Variants in ADNP2 observed in about 807,000 individuals in gnomAD.
The protein encoded by ADNP2 is activity-dependent neuroprotector homeobox protein 2.
ADNP2 carries 8 observed loss-of-function variants against 16.4 expected under a neutral mutation model. That is an observed-to-expected ratio of 0.49 (90% CI 0.29 to 0.88). The LOEUF (loss-of-function observed/expected upper bound fraction) is 0.88. Among genes scored for constraint, ADNP2 ranks in the 40% least tolerant of loss-of-function variants. The pLI, the probability that ADNP2 is intolerant of heterozygous loss-of-function variation, is 0.09. For synonymous variants in ADNP2, 637 were observed against 545.8 expected (o/e 1.17, Z -2.33); for missense variants, 1,397 against 1,395.1 (o/e 1.00, Z -0.02).
Position 80,138,362 on chromosome 18 carries a change from C to G in ADNP2, c.2949C>G (p.Gly983=), listed in dbSNP as rs1018382201. The change falls in exon 4 of 4, where the codon GGC becomes GGG. Residue 983 remains glycine (G), a synonymous_variant. Transcript: ENST00000262198. ...SFSVKRKLPD[G]HLGAEDQRHG... is the part of the protein sequence containing the mutation. Reference sequence around the variant, plus strand: ...CTGTTAAGAGAAAGCTGCCTGACGGCCACTTAGGGGCCGAAGACCAGCGGC... The same window carrying G: ...CTGTTAAGAGAAAGCTGCCTGACGGGCACTTAGGGGCCGAAGACCAGCGGC... 2.5e-6 allele frequency: 4 copies of G among 1,613,958 alleles called. No individual in the cohort carries two copies. Among genetic ancestry groups the G allele is most frequent in the Non-Finnish European group, 3.4e-6 (4 of 1,180,042 alleles).
intron 2 of ADNP2, among the ~76,000 whole-genome samples, 190 bp from the exon 3 acceptor site, chr18:80,132,913 G>A (rs1265786626): frequency 6.6e-6 from 1 of 152,092 alleles, no homozygotes; most frequent in East Asian, 1.9e-4. Flanking sequence ...TAGAGATGGA[G>A]TTTCGCCATG....
At chr18:80,123,231 G>A (rs992702824) in intron 2 of ADNP2, among the ~76,000 whole-genome samples, 4 of 152,080 alleles carry the variant, frequency 2.6e-5, no homozygotes, top group African/African-American at 7.2e-5. Context: ...TTGCTAGTAT[G>A]TTGTTAAGGA....
intron 2 of ADNP2, among the ~76,000 whole-genome samples, chr18:80,124,535 C>T (rs893386139): frequency 2.0e-5 from 3 of 152,168 alleles, no homozygotes; most frequent in Non-Finnish European, 2.9e-5. Context: ...CCAGGCCCTC[C>T]GCGGGTACTC....
Position 80,136,093 on chromosome 18 carries a change from A to G in ADNP2, c.680A>G (p.Gln227Arg), listed in dbSNP as rs570468287. Residue 227 changes from glutamine to arginine, a missense_variant, in exon 4 of 4, where the codon CAG (glutamine) becomes CGG (arginine). Gln to Arg is a conservative substitution (Grantham distance 43, BLOSUM62 1). This residue lies in a region of ADNP2 where 777 missense variants were observed against 719.4 expected (regional missense o/e 1.08). Transcript: ENST00000262198. Reference sequence around the variant, plus strand: ...AAGTGCAACGCCAATGCCAGCAGCCAGGATGCGTTAATGTATCACATTTTG... The same window carrying G: ...AAGTGCAACGCCAATGCCAGCAGCCGGGATGCGTTAATGTATCACATTTTG... ...CKKCNANASSQDALMYHILTS... is the reference protein window; with the variant it reads ...CKKCNANASSRDALMYHILTS... 1 of 1,614,204 alleles carries G rather than the reference A, an allele frequency of 6.2e-7. No individual in the cohort carries two copies. Among genetic ancestry groups the G allele is most frequent in the South Asian group, 1.1e-5 (1 of 91,092 alleles).
chr18:80,111,336 T>G (rs2052355553), intron 1 of ADNP2, among the ~76,000 whole-genome samples: 1 of 152,204 alleles, frequency 6.6e-6, no homozygotes, highest in African/African-American at 2.4e-5. Flanking sequence ...ATAACTACTC[T>G]GTGAATTAGG....
At chr18:80,129,658 G>T (rs2052483592) in intron 2 of ADNP2, among the ~76,000 whole-genome samples, 1 of 152,120 alleles carries the variant, frequency 6.6e-6, no homozygotes, top group South Asian at 2.1e-4. Flanking sequence ...AACATTTTGG[G>T]CTAGAATATA....
intron 3 of ADNP2, among the ~76,000 whole-genome samples, chr18:80,135,157 A>AG (rs2052523869): frequency 6.6e-6 from 1 of 152,242 alleles, no homozygotes; most frequent in South Asian, 2.1e-4. Context: ...GACTTAGAAC[A>AG]GGGGTCAGCA....
chr18:80,114,206 G>T (rs11663248), intron 1 of ADNP2, among the ~76,000 whole-genome samples: 15 of 137,566 alleles, frequency 1.1e-4, no homozygotes, highest in African/African-American at 3.7e-4. Context: ...AAAAAAAAAA[G>T]AAAAAAAAGA....
At position 80,138,452 on chromosome 18, in the gene ADNP2, T is replaced by C. The variant is rs761295467; in HGVS notation, c.3039T>C (p.Ser1013=). 19 of 1,613,894 alleles carry C rather than the reference T, an allele frequency of 1.2e-5. No homozygotes were observed. Among genetic ancestry groups the C allele is most frequent in the South Asian group, 3.3e-5 (3 of 91,066 alleles). The change falls in exon 4 of 4, where the codon AGT becomes AGC. Residue 1013 remains serine, a synonymous_variant. Transcript: ENST00000262198. ...DAAPGPEKVT[S]VVPFKRQRNE... Reference sequence around the variant, plus strand: ...CCCCGGGTCCAGAAAAGGTGACGAGTGTTGTGCCTTTTAAAAGACAAAGGA... The same window carrying C: ...CCCCGGGTCCAGAAAAGGTGACGAGCGTTGTGCCTTTTAAAAGACAAAGGA...
At chr18:80,123,567 C>T (rs1437800581) in intron 2 of ADNP2, among the ~76,000 whole-genome samples, 1 of 151,802 alleles carries the variant, frequency 6.6e-6, no homozygotes, top group Admixed American at 6.6e-5. Flanking sequence ...ACGGGTTTTT[C>T]CTTGTTGGTC....
chr18:80,130,124 A>G (rs1315169620), intron 2 of ADNP2, among the ~76,000 whole-genome samples: 1 of 152,076 alleles, frequency 6.6e-6, no homozygotes, highest in Non-Finnish European at 1.5e-5. Context: ...TTGGGTCTCT[A>G]CGGCCATTTG....
At chr18:80,121,829 A>C (rs1443534534) in intron 2 of ADNP2, among the ~76,000 whole-genome samples, 2 of 152,178 alleles carry the variant, frequency 1.3e-5, no homozygotes, top group Non-Finnish European at 2.9e-5. Context: ...ACCCTTATTG[A>C]AAATCAGTTG....
chr18:80,121,336 ATCT>A (rs2052423543), intron 2 of ADNP2, among the ~76,000 whole-genome samples: 1 of 152,206 alleles, frequency 6.6e-6, no homozygotes, highest in South Asian at 2.1e-4. Context: ...CCATTTGTAT[ATCT>A]TCTTTGGAAA....
intron 1 of ADNP2, among the ~76,000 whole-genome samples, chr18:80,114,872 T>G (rs1181847141): frequency 2.6e-5 from 4 of 152,036 alleles, no homozygotes; most frequent in African/African-American, 9.7e-5. Context: ...TGGTAGTTGA[T>G]GTGGAACACC....
chr18:80,123,322 C>T, intron 2 of ADNP2, among the ~76,000 whole-genome samples: 1 of 151,626 alleles, frequency 6.6e-6, no homozygotes. Context: ...CAGGGAAATG[C>T]TGTCTTCAAG....
At chr18:80,117,411 TACA>T (rs1191808584) in intron 1 of ADNP2, 116 bp from the exon 2 acceptor site, 1 of 557,836 alleles carries the variant, frequency 1.8e-6, no homozygotes, top group Non-Finnish European at 3.0e-6. Flanking sequence ...TCACTCGTTC[TACA>T]ACAATTTGTT....
At chr18:80,120,490 C>A (rs1159759502) in intron 2 of ADNP2, among the ~76,000 whole-genome samples, 1 of 151,884 alleles carries the variant, frequency 6.6e-6, no homozygotes, top group Non-Finnish European at 1.5e-5. Flanking sequence ...TACCACCACA[C>A]CTGGGTAATT....
At chr18:80,113,021 C>A (rs1222594543) in intron 1 of ADNP2, among the ~76,000 whole-genome samples, 1 of 152,140 alleles carries the variant, frequency 6.6e-6, no homozygotes, top group African/African-American at 2.4e-5. Context: ...AAGCAGCTAA[C>A]AAAATTTTCG....
At chr18:80,115,175 A>G (rs1389773448) in intron 1 of ADNP2, among the ~76,000 whole-genome samples, 1 of 152,144 alleles carries the variant, frequency 6.6e-6, no homozygotes, top group Non-Finnish European at 1.5e-5. Flanking sequence ...CACAGGTTGT[A>G]TCTGTTACTT....
Sources: allele counts gnomAD v4.1 joint callset (sites outside exome capture counted in the v4.1 genomes callset), GRCh38; gene constraint gnomAD v4.1.1; regional missense constraint gnomAD v4.1.1; transcripts MANE v1.5; gene names NCBI Gene and HGNC (gene_info 2026-07-23, HGNC 2026-07-21).